AGPAT5: variants seen among roughly 807,000 people sequenced by gnomAD.
The protein encoded by AGPAT5 is 1-acyl-sn-glycerol-3-phosphate acyltransferase epsilon.
Under a neutral mutation model 45.6 loss-of-function variants are expected in AGPAT5, and 46 were observed. That is an observed-to-expected ratio of 1.01 (90% CI 0.80 to 1.29). The LOEUF (loss-of-function observed/expected upper bound fraction) is 1.29. AGPAT5 is among the 50% of genes most tolerant of loss of function. The pLI is 0.00. For missense variants in AGPAT5, 673 were observed against 450.7 expected, an observed-to-expected ratio of 1.49 and a Z score of -4.47; for synonymous variants, 272 against 167.0, an observed-to-expected ratio of 1.63 and a Z score of -4.85.
chr8:6,718,162 A>G (rs10503366), intron 1 of AGPAT5, among the ~76,000 whole-genome samples: 2,326 of 152,332 alleles, frequency 0.015, 72 homozygotes, highest in East Asian at 0.13. Context: ...GAACAGTACC[A>G]AAAGACAGGA....
chr8:6,754,760 C>T (rs1801775744), intron 6 of AGPAT5, among the ~76,000 whole-genome samples: 1 of 152,086 alleles, frequency 6.6e-6, no homozygotes. Flanking sequence ...GTCTATAGCA[C>T]TAAAAGTTGT....
rs1245196289 is a variant in AGPAT5, at chr8:6,761,227, T to C, written c.*3839T>C. ...TGGAACAAACTCTCAACAAAATGTT[T>C]ATTGATGTTGATGAAACAGATCAGT... On this transcript the variant is annotated 3_prime_UTR_variant, in exon 8 of 8. Transcript: ENST00000285518. Among the ~76,000 whole-genome samples the C allele has an allele frequency of 6.6e-6, 1 of 152,234 alleles. No individual in the cohort carries two copies.
At chr8:6,742,097 C>G (rs1170091444) in intron 5 of AGPAT5, among the ~76,000 whole-genome samples, 2 of 152,194 alleles carry the variant, frequency 1.3e-5, no homozygotes, top group African/African-American at 4.8e-5. Context: ...TGTAAGATGA[C>G]AGACCTAAGT....
chr8:6,755,530 G>A (rs1292421870), intron 7 of AGPAT5, among the ~76,000 whole-genome samples: 3 of 152,206 alleles, frequency 2.0e-5, no homozygotes, highest in African/African-American at 7.2e-5. Context: ...TGTGAGGTCT[G>A]GCTGTTGGGC....
chr8:6,718,694 G>T (rs1274950272), intron 1 of AGPAT5, among the ~76,000 whole-genome samples: 2 of 152,192 alleles, frequency 1.3e-5, no homozygotes, highest in East Asian at 3.8e-4. Context: ...AGATTGCCCT[G>T]TTCTTATGAT....
At chr8:6,723,261 C>T (rs2116876112) in intron 1 of AGPAT5, among the ~76,000 whole-genome samples, 1 of 152,284 alleles carries the variant, frequency 6.6e-6, no homozygotes. Context: ...CTCATAGTCC[C>T]TAAGGGGCTG....
chr8:6,721,637 G>T (rs1800502084), intron 1 of AGPAT5, among the ~76,000 whole-genome samples: 1 of 152,148 alleles, frequency 6.6e-6, no homozygotes, highest in Non-Finnish European at 1.5e-5. Context: ...GACAGATGAG[G>T]ATTCAAATTC....
chr8:6,711,742 G>A (rs932214913), intron 1 of AGPAT5, among the ~76,000 whole-genome samples: 10 of 152,144 alleles, frequency 6.6e-5, no homozygotes, highest in African/African-American at 2.2e-4. Flanking sequence ...GGGGGAATCC[G>A]TTCTTGTGGG....
intron 4 of AGPAT5, among the ~76,000 whole-genome samples, chr8:6,735,911 G>T (rs1034602214): frequency 1.5e-5 from 2 of 129,834 alleles, no homozygotes; most frequent in African/African-American, 2.9e-5. Flanking sequence ...CTGGAGTGCA[G>T]TGGCACGATC....
intron 1 of AGPAT5, among the ~76,000 whole-genome samples, chr8:6,716,134 T>A (rs944693906): frequency 8.5e-5 from 13 of 152,214 alleles, no homozygotes; most frequent in African/African-American, 3.1e-4. Flanking sequence ...TATGTAATAT[T>A]AACATATATA....
chr8:6,743,169 C>G (rs181751461), intron 5 of AGPAT5, among the ~76,000 whole-genome samples: 1 of 152,314 alleles, frequency 6.6e-6, no homozygotes, highest in East Asian at 1.9e-4. Flanking sequence ...CAGCCTCTTT[C>G]TGCTTCATTT....
chr8:6,757,503 T>C lies in AGPAT5; in HGVS notation c.*115T>C, dbSNP rs922455159. The C allele has an allele frequency of 1.1e-5, 9 of 797,310 alleles. No individual in the cohort carries two copies. The highest frequency in any genetic ancestry group is 7.9e-5 in the Admixed American group (3 of 38,066). 49.4% of individuals were successfully genotyped at this position (797,310 alleles called of 1,614,324 possible). ...AGGAGTGTAAATAAAGCCTTGTTGA[T>C]TGAAGATTGGATAATAGAATTTGTG... On this transcript the variant is annotated 3_prime_UTR_variant, in exon 8 of 8. Coordinates refer to ENST00000285518, the MANE Select transcript of AGPAT5 (RefSeq NM_018361.5).
Position 6,757,543 on chromosome 8 carries a change from G to A in AGPAT5, c.*155G>A, listed in dbSNP as rs1369235275. The A allele has an allele frequency of 1.5e-6, 1 of 647,414 alleles. No homozygotes were observed. Among genetic ancestry groups the A allele is most frequent in the Non-Finnish European group, 2.6e-6 (1 of 379,898 alleles). The allele number at this position is 647,414 out of a possible 1,614,324, so 40.1% of individuals were successfully genotyped here. On this transcript the variant is annotated 3_prime_UTR_variant, in exon 8 of 8. Transcript: ENST00000285518. ...TAGAATTTGTGACGAAAGCTGATAT[G>A]CAATGGTCTTGGGCAAACATACCTG...
At chr8:6,739,403 C>G (rs1194989195) in intron 4 of AGPAT5, among the ~76,000 whole-genome samples, 2 of 152,040 alleles carry the variant, frequency 1.3e-5, no homozygotes, top group Non-Finnish European at 1.5e-5. Context: ...AGGATTGAAT[C>G]TTTGGATTCA....
Position 6,757,557 on chromosome 8 carries a change from C to T in AGPAT5, c.*169C>T. ...AAAGCTGATATGCAATGGTCTTGGG[C>T]AAACATACCTGGTTGTACAACTTTA... On this transcript the variant is annotated 3_prime_UTR_variant, in exon 8 of 8. Transcript: ENST00000285518. 1 of 602,264 alleles carries T rather than the reference C, an allele frequency of 1.7e-6. No homozygotes were observed. The highest frequency in any genetic ancestry group is 2.9e-6 in the Non-Finnish European group (1 of 345,642). The allele number at this position is 602,264 out of a possible 1,614,324, so 37.3% of individuals were successfully genotyped here.
At position 6,750,267 on chromosome 8, in the gene AGPAT5, G is replaced by C. The variant is rs138330875; in HGVS notation, c.745+2439G>C. 3.2e-3 allele frequency among the ~76,000 whole-genome samples: 490 copies of C among 152,282 alleles called. 4 individuals carry two copies. The highest frequency in any genetic ancestry group is 0.01 in the African/African-American group (431 of 41,558). The stretch of plus-strand genomic sequence containing the variant: ...TTCCCAGCCGCATCATAAGTGCCTT[G>C]AGGAAGCCAAAACCTTCTGTGAGTT... On this transcript the variant is annotated intron_variant, in intron 6 of 7. Transcript: ENST00000285518.
At position 6,711,889 on chromosome 8, in the gene AGPAT5, G is replaced by A. The variant is rs139201249; in HGVS notation, c.219+3002G>A. On this transcript the variant is annotated intron_variant, in intron 1 of 7. Coordinates refer to ENST00000285518, the MANE Select transcript of AGPAT5 (RefSeq NM_018361.5). ...CTCTTAGAAGGATGCTTGTCATTGG[G>A]TTTAGAGCCCACCTGGATATTCCGG... Among the ~76,000 whole-genome samples, 480 of 152,258 alleles carry A rather than the reference G, an allele frequency of 3.2e-3. 3 individuals are homozygous for A. The highest frequency in any genetic ancestry group is 0.011 in the African/African-American group (462 of 41,526).
At chr8:6,712,586 T>C (rs548602247) in intron 1 of AGPAT5, among the ~76,000 whole-genome samples, 43 of 152,284 alleles carry the variant, frequency 2.8e-4, no homozygotes, top group African/African-American at 9.9e-4. Context: ...AGCTGGAGTT[T>C]AAGGAAAACT....
In AGPAT5 at chr8:6,757,544, C is replaced by A; in HGVS notation, c.*156C>A. 1 of 645,418 alleles carries A rather than the reference C, an allele frequency of 1.5e-6. No individual in the cohort carries two copies. The highest frequency in any genetic ancestry group is 2.6e-6 in the Non-Finnish European group (1 of 378,544). 40.0% of individuals were successfully genotyped at this position (645,418 alleles called of 1,614,324 possible). On this transcript the variant is annotated 3_prime_UTR_variant, in exon 8 of 8. Coordinates refer to ENST00000285518, the MANE Select transcript of AGPAT5 (RefSeq NM_018361.5). ...AGAATTTGTGACGAAAGCTGATATG[C>A]AATGGTCTTGGGCAAACATACCTGG... is the stretch of plus-strand genomic sequence containing the variant.
Sources: gnomAD v4.1 joint callset for allele counts (sites outside exome capture counted in the v4.1 genomes callset) on GRCh38, gnomAD v4.1.1 for gene constraint, MANE v1.5 for transcripts, NCBI Gene and HGNC (gene_info 2026-07-23, HGNC 2026-07-21) for gene names.